The following DIP2A variants were observed in gnomAD, a reference collection of about 807,000 sequenced individuals.
The protein encoded by DIP2A is DIP2 acetate--CoA ligase A.
DIP2A carries 85 observed loss-of-function variants against 177.4 expected under a neutral mutation model. That is an observed-to-expected ratio of 0.48 (90% CI 0.40 to 0.57). DIP2A has a LOEUF of 0.57. Among genes scored for constraint, DIP2A ranks in the 20% least tolerant of loss-of-function variants. DIP2A has a pLI of 0.00. For missense variants in DIP2A, 1,791 were observed against 2,100.2 expected (o/e 0.85, Z 2.88); for synonymous variants, 886 against 881.8 (o/e 1.00, Z -0.08).
the DIP2A span, among the ~76,000 whole-genome samples, chr21:46,583,469 CCT>C: frequency 1.3e-5 from 2 of 152,138 alleles, no homozygotes; most frequent in Non-Finnish European, 2.9e-5. Context: ...ATAAAGCAAA[CCT>C]CTCTAAATTT....
intron 8 of DIP2A, among the ~76,000 whole-genome samples, chr21:46,519,459 A>G (rs937751504): frequency 1.3e-5 from 2 of 152,132 alleles, no homozygotes; most frequent in African/African-American, 4.8e-5. Context: ...CCTTAATTCT[A>G]AAGGTTGTAG....
At chr21:46,562,439 G>A (rs75685355) in intron 34 of DIP2A, among the ~76,000 whole-genome samples, 485 of 152,308 alleles carry the variant, frequency 3.2e-3, no homozygotes, top group Middle Eastern at 0.01. Context: ...CTTCACAACC[G>A]CAGAGGCAAG....
chr21:46,546,931 T>G lies in DIP2A; in HGVS notation c.2411T>G (p.Ile804Ser). The change falls in exon 21 of 38, where the codon ATC (isoleucine) becomes AGC (serine). Residue 804 changes from isoleucine to serine, a missense_variant. Physicochemically the swap from Ile to Ser is moderately radical, Grantham distance 142. Transcript: ENST00000417564. ...GFIGPDNLVFIVGKLDGLMVT... is the reference protein window; with the variant it reads ...GFIGPDNLVFSVGKLDGLMVT... ...TTCCCTCAGGACAACCTGGTCTTCA[T>G]CGTGGGCAAACTGGACGGGCTGATG... 1 of 1,613,870 alleles carries G rather than the reference T, an allele frequency of 6.2e-7. No individual in the cohort carries two copies. Among genetic ancestry groups the G allele is most frequent in the Non-Finnish European group, 8.5e-7 (1 of 1,179,804 alleles).
chr21:46,554,630 C>T lies in DIP2A; in HGVS notation c.3210C>T (p.Val1070=). 2 of 1,604,020 alleles carry T rather than the reference C, an allele frequency of 1.2e-6. No homozygotes were observed. The highest frequency in any genetic ancestry group is 8.5e-7 in the Non-Finnish European group (1 of 1,175,594). Residue 1070 remains valine, a synonymous_variant, in exon 27 of 38, where the codon GTC becomes GTT. Coordinates refer to ENST00000417564, the MANE Select transcript of DIP2A (RefSeq NM_015151.4). ...YGCLYCGCVP[V]TVRPPHPQNL... is the part of the protein sequence containing the mutation. ...GCTTGTACTGTGGCTGCGTGCCTGT[C>T]ACCGTGCGGCCCCCGCACCCTCAGA...
intron 3 of DIP2A, among the ~76,000 whole-genome samples, chr21:46,491,511 T>C (rs1326409441): frequency 1.3e-5 from 2 of 152,378 alleles, no homozygotes; most frequent in African/African-American, 4.8e-5. Flanking sequence ...AACTTTATCA[T>C]GTGGCAAACA....
chr21:46,486,965 T>C (rs757735227), intron 2 of DIP2A, among the ~76,000 whole-genome samples: 2 of 152,172 alleles, frequency 1.3e-5, no homozygotes, highest in Non-Finnish European at 2.9e-5. Flanking sequence ...TACAAAGGCA[T>C]ATAGCCAATA....
At chr21:46,576,490 T>A in the DIP2A span, among the ~76,000 whole-genome samples, 1 of 152,220 alleles carries the variant, frequency 6.6e-6, no homozygotes, top group Non-Finnish European at 1.5e-5. Flanking sequence ...TTCCATGGTG[T>A]AAATGTACCA....
At chr21:46,524,865 CTTTTTGCTTTTTTTTTTTTT>C (rs2058995758) in intron 8 of DIP2A, among the ~76,000 whole-genome samples, 2 of 73,792 alleles carry the variant, frequency 2.7e-5, no homozygotes, top group East Asian at 3.8e-4. Flanking sequence ...ATGATTTTTG[CTTTTTGCTTTTTTTTTTTTT>C]TTTTTTTTTT....
At position 46,537,845 on chromosome 21, in the gene DIP2A, C is replaced by T. The variant is rs1213119690; in HGVS notation, c.1801+306C>T. On this transcript the variant is annotated intron_variant, in intron 15 of 37. Coordinates refer to ENST00000417564, the MANE Select transcript of DIP2A (RefSeq NM_015151.4). This position sits in a 1 kb window ranked among gnomAD's most constrained non-coding sequence, Gnocchi z 4.1. ...GCAGGAGGCCCCAGCATGGCCACAC[C>T]TGCACAGTTGGCAGTCTGTGTCTCT... is the stretch of plus-strand genomic sequence containing the variant. 6.6e-6 allele frequency among the ~76,000 whole-genome samples: 1 copy of T among 152,172 alleles called. No homozygotes were observed. The highest frequency in any genetic ancestry group is 1.5e-5 in the Non-Finnish European group (1 of 68,032).
chr21:46,579,286 G>A, the DIP2A span, among the ~76,000 whole-genome samples: 9 of 152,132 alleles, frequency 5.9e-5, no homozygotes, highest in Non-Finnish European at 8.8e-5. Flanking sequence ...TTGTATTTCC[G>A]TAGGGTCAGT....
Position 46,545,030 on chromosome 21 carries a change from A to C in DIP2A, c.2177-107A>C, listed in dbSNP as rs781097070. ...AACTCCTTATAAGAAGGTGCTGTGT[A>C]TATAACATCCTGTTTCCATAACCGC... On this transcript the variant is annotated intron_variant, in intron 18 of 37. Transcript: ENST00000417564. 3.4e-4 allele frequency: 378 copies of C among 1,115,776 alleles called. 1 individual carries two copies. Among genetic ancestry groups the C allele is most frequent in the Non-Finnish European group, 4.2e-4 (337 of 798,788 alleles). 69.1% of individuals were successfully genotyped at this position (1,115,776 alleles called of 1,614,324 possible).
chr21:46,495,244 T>TTCTCTTCTTTCTCTCTCTCTC (rs2057275285), intron 3 of DIP2A, among the ~76,000 whole-genome samples: 3 of 38,208 alleles, frequency 7.9e-5, no homozygotes, highest in Non-Finnish European at 1.5e-4. Context: ...CTTCTCTTCT[T>TTCTCTTCTTTCTCTCTCTCTC]TCTCTCTCTC....
Position 46,567,366 on chromosome 21 carries a change from G to A in DIP2A, c.4464-4G>A, listed in dbSNP as rs1221651392. 2 of 1,611,472 alleles carry A rather than the reference G, an allele frequency of 1.2e-6. No individual in the cohort carries two copies. Among genetic ancestry groups the A allele is most frequent in the East Asian group, 2.2e-5 (1 of 44,886 alleles). On this transcript the variant is annotated splice_polypyrimidine_tract_variant and splice_region_variant and intron_variant, in intron 37 of 37. Transcript: ENST00000417564. Reference sequence around the variant, plus strand: ...ATGTGACCCAGTCTGTCTTCTCTCTGCAGTGCCGTATTCACCTGGACCAAC... The same window carrying A: ...ATGTGACCCAGTCTGTCTTCTCTCTACAGTGCCGTATTCACCTGGACCAAC...
At chr21:46,564,385 C>G (rs2060767918) in intron 35 of DIP2A, among the ~76,000 whole-genome samples, 1 of 152,174 alleles carries the variant, frequency 6.6e-6, no homozygotes, top group African/African-American at 2.4e-5. Context: ...GAGCCCTTGT[C>G]CTGAGGACAC....
At chr21:46,551,574 C>T (rs578245137) in intron 23 of DIP2A, 60 bp from the exon 24 acceptor site, 1 of 1,384,924 alleles carries the variant, frequency 7.2e-7, no homozygotes, top group Non-Finnish European at 1.0e-6. Flanking sequence ...TAAATAAAAT[C>T]ACGTGATGTT....
At chr21:46,497,374 T>TA (rs2057415094) in intron 4 of DIP2A, among the ~76,000 whole-genome samples, 1 of 152,210 alleles carries the variant, frequency 6.6e-6, no homozygotes, top group Non-Finnish European at 1.5e-5. Flanking sequence ...TATTTATGTC[T>TA]TTTAGTAAAG....
chr21:46,494,392 G>A lies in DIP2A; in HGVS notation c.284-2596G>A, dbSNP rs116242796. ...GCTGTTTACAAGACTGTCATGGGTG[G>A]CCCTGTGTTCCTCCACCAAGAGGCC... On this transcript the variant is annotated intron_variant, in intron 3 of 37. Transcript: ENST00000417564. Among the ~76,000 whole-genome samples, 470 of 152,294 alleles carry A rather than the reference G, an allele frequency of 3.1e-3. 3 individuals carry two copies. The highest frequency in any genetic ancestry group is 0.011 in the African/African-American group (449 of 41,562).
At chr21:46,497,494 GT>G (rs1342443732) in intron 4 of DIP2A, among the ~76,000 whole-genome samples, 7 of 152,194 alleles carry the variant, frequency 4.6e-5, no homozygotes, top group Admixed American at 4.6e-4. Context: ...TTAACAGGTT[GT>G]AACCAGGACT....
chr21:46,499,559 G>A (rs2057540725), intron 5 of DIP2A, among the ~76,000 whole-genome samples: 1 of 152,164 alleles, frequency 6.6e-6, no homozygotes, highest in South Asian at 2.1e-4. Flanking sequence ...GGCCTGAAAA[G>A]GTGTCAGTCA....
Sources: gnomAD v4.1 joint callset for allele counts (sites outside exome capture counted in the v4.1 genomes callset) on GRCh38, gnomAD v4.1.1 for gene constraint, Gnocchi (gnomAD v3.1) non-coding constraint, MANE v1.5 for transcripts, NCBI Gene and HGNC (gene_info 2026-07-23, HGNC 2026-07-21) for gene names.